GRM8: variants seen among roughly 807,000 people sequenced by gnomAD.
GRM8 encodes the protein glutamate metabotropic receptor 8, also known as metabotropic glutamate receptor 8.
GRM8 carries 47 observed loss-of-function variants against 87.2 expected under a neutral mutation model. That is an observed-to-expected ratio of 0.54 (90% CI 0.43 to 0.69). The LOEUF (loss-of-function observed/expected upper bound fraction) is 0.69. GRM8 is among the 30% of genes least tolerant of loss of function. GRM8 has a pLI of 0.00. For synonymous variants in GRM8, 396 were observed against 404.5 expected, an observed-to-expected ratio of 0.98 and a Z score of 0.25; for missense variants, 1,019 against 1,139.2, an observed-to-expected ratio of 0.89 and a Z score of 1.52.
At chr7:126,443,937 A>G (rs1210909188) in intron 10 of GRM8, among the ~76,000 whole-genome samples, 1 of 152,018 alleles carries the variant, frequency 6.6e-6, no homozygotes, top group South Asian at 2.1e-4. Flanking sequence ...TTATTCTTTT[A>G]AAGTGGTGAA....
chr7:126,607,473 TA>T (rs1798471704), intron 8 of GRM8, among the ~76,000 whole-genome samples: 1 of 152,114 alleles, frequency 6.6e-6, no homozygotes, highest in African/African-American at 2.4e-5. Flanking sequence ...AAAAATTGAT[TA>T]AAAATATCAA....
intron 7 of GRM8, among the ~76,000 whole-genome samples, chr7:126,653,794 G>T (rs1173483517): frequency 6.6e-6 from 1 of 152,192 alleles, no homozygotes. Flanking sequence ...TCTCATCAAA[G>T]AGCAAACTAT....
At chr7:127,050,717 A>T (rs1174979266) in intron 3 of GRM8, among the ~76,000 whole-genome samples, 4 of 152,186 alleles carry the variant, frequency 2.6e-5, no homozygotes, top group African/African-American at 9.7e-5. Flanking sequence ...ATAACTCTGC[A>T]ACTTTTGCAG....
rs75801829 is a variant in GRM8, at chr7:126,923,715, C to A, written c.728-19032G>T. 4.0e-3 allele frequency among the ~76,000 whole-genome samples: 601 copies of A among 152,084 alleles called. 14 individuals are homozygous for A. The East Asian group carries it at 0.059, about 15-fold the overall frequency. On this transcript the variant is annotated intron_variant, in intron 3 of 10. Coordinates refer to ENST00000339582, the MANE Select transcript of GRM8 (RefSeq NM_000845.3). The stretch of plus-strand genomic sequence containing the variant: ...TTTAGTGTCCTAGCTATGAAGTATG[C>A]GAGTTTATAACTTTGGTAGGTGTTC...
intron 6 of GRM8, among the ~76,000 whole-genome samples, chr7:126,900,451 T>C (rs759092803): frequency 6.6e-6 from 1 of 152,082 alleles, no homozygotes; most frequent in African/African-American, 2.4e-5. Context: ...TAACACTACG[T>C]ACCAAAGCGT....
At chr7:126,818,656 T>C (rs1794008808) in intron 6 of GRM8, among the ~76,000 whole-genome samples, 1 of 152,224 alleles carries the variant, frequency 6.6e-6, no homozygotes, top group African/African-American at 2.4e-5. Flanking sequence ...ACCACATCAC[T>C]CTTACCAGAA....
intron 3 of GRM8, among the ~76,000 whole-genome samples, chr7:127,029,995 C>G (rs1285057481): frequency 6.6e-6 from 1 of 152,030 alleles, no homozygotes; most frequent in Non-Finnish European, 1.5e-5. Flanking sequence ...ATGTGCCTGG[C>G]GAATAAAAGG....
intron 8 of GRM8, among the ~76,000 whole-genome samples, chr7:126,596,855 GA>G (rs1169204412): frequency 2.6e-5 from 4 of 151,980 alleles, no homozygotes; most frequent in African/African-American, 9.7e-5. Flanking sequence ...GTTATCATTG[GA>G]AAAAACTATG....
chr7:126,879,751 G>T (rs1436623928), intron 6 of GRM8, among the ~76,000 whole-genome samples: 1 of 152,028 alleles, frequency 6.6e-6, no homozygotes, highest in East Asian at 1.9e-4. Flanking sequence ...ATCCTTAAAT[G>T]GTTTTATATT....
At chr7:127,030,800 A>G (rs936173434) in intron 3 of GRM8, among the ~76,000 whole-genome samples, 3 of 152,130 alleles carry the variant, frequency 2.0e-5, no homozygotes, top group Non-Finnish European at 4.4e-5. Context: ...CAGGAAAACT[A>G]CTTTTTTTCC....
chr7:126,618,647 C>G (rs890945471), intron 7 of GRM8, among the ~76,000 whole-genome samples: 1 of 152,106 alleles, frequency 6.6e-6, no homozygotes, highest in Admixed American at 6.6e-5. Context: ...GGGCTAATAT[C>G]CACAATCTAC....
chr7:126,611,567 G>C lies in GRM8; in HGVS notation c.1358-2069C>G, dbSNP rs139837601. ...TTTCACATTAACATGATCAACTTCT[G>C]ACATTTATATATCACTTTGAAATAT... On this transcript the variant is annotated intron_variant, in intron 7 of 10. Coordinates refer to ENST00000339582, the MANE Select transcript of GRM8 (RefSeq NM_000845.3). Among the ~76,000 whole-genome samples, 21 of 152,264 alleles carry C rather than the reference G, an allele frequency of 1.4e-4. No homozygotes were observed. In the East Asian group the frequency reaches 4.0e-3, roughly 29 times the overall value.
chr7:126,543,350 G>A (rs1323667905), intron 8 of GRM8, among the ~76,000 whole-genome samples: 1 of 152,174 alleles, frequency 6.6e-6, no homozygotes, highest in Admixed American at 6.5e-5. Context: ...ATGTTTAAAA[G>A]AATCCCTCCT....
chr7:126,568,878 T>C (rs1409982977), intron 8 of GRM8, among the ~76,000 whole-genome samples: 1 of 152,224 alleles, frequency 6.6e-6, no homozygotes, highest in South Asian at 2.1e-4. Context: ...ATTTGGGATC[T>C]AGCCAAGATG....
intron 6 of GRM8, among the ~76,000 whole-genome samples, chr7:126,894,362 T>C (rs565328650): frequency 6.6e-6 from 1 of 152,182 alleles, no homozygotes; most frequent in Admixed American, 6.6e-5. Context: ...AGTTCTTCAG[T>C]GTAATATTCC....
intron 6 of GRM8, among the ~76,000 whole-genome samples, chr7:126,843,161 T>C (rs1176861558): frequency 6.6e-6 from 1 of 152,214 alleles, no homozygotes; most frequent in African/African-American, 2.4e-5. Context: ...ATGACAAATA[T>C]GCTCTATGAA....
intron 2 of GRM8, among the ~76,000 whole-genome samples, chr7:127,138,158 G>A (rs1045271849): frequency 2.6e-5 from 4 of 152,108 alleles, no homozygotes; most frequent in Non-Finnish European, 5.9e-5. Context: ...AGCCCTTAAC[G>A]GTTCAGTGCA....
At chr7:126,481,002 C>A (rs753675838) in intron 9 of GRM8, among the ~76,000 whole-genome samples, 1 of 151,920 alleles carries the variant, frequency 6.6e-6, no homozygotes, top group Non-Finnish European at 1.5e-5. Context: ...ATGGGGCATG[C>A]CAAAGGTAAA....
chr7:126,804,005 A>T (rs1208833028), intron 6 of GRM8, among the ~76,000 whole-genome samples: 1 of 149,128 alleles, frequency 6.7e-6, no homozygotes, highest in Non-Finnish European at 1.5e-5. Flanking sequence ...GTCAGATTTT[A>T]AAAATGGAAT....
Sources: allele counts gnomAD v4.1 joint callset (sites outside exome capture counted in the v4.1 genomes callset), GRCh38; gene constraint gnomAD v4.1.1; transcripts MANE v1.5; gene names NCBI Gene and HGNC (gene_info 2026-07-23, HGNC 2026-07-21).